ZKSCAN7: variants seen among roughly 807,000 people sequenced by gnomAD.
ZKSCAN7 encodes zinc finger protein with KRAB and SCAN domains 7.
ZKSCAN7 carries 38 observed loss-of-function variants against 65.3 expected under a neutral mutation model. That is an observed-to-expected ratio of 0.58 (90% CI 0.45 to 0.76). ZKSCAN7 has a LOEUF of 0.76. ZKSCAN7 is among the 30% of genes least tolerant of loss of function. The pLI, the probability that ZKSCAN7 is intolerant of heterozygous loss-of-function variation, is 0.00. For missense variants in ZKSCAN7, 815 were observed against 913.3 expected (o/e 0.89, Z 1.39); for synonymous variants, 321 against 321.0 (o/e 1.00, Z 0.00).
intron 5 of ZKSCAN7, chr3:44,580,849 C>CA: frequency 6.2e-7 from 1 of 1,613,612 alleles, no homozygotes; most frequent in Non-Finnish European, 8.5e-7. Flanking sequence ...ACTGAGTTGT[C>CA]AAAGTCGGTC....
chr3:44,570,145 T>C lies in ZKSCAN7; in HGVS notation c.1035T>C (p.Asp345=). 1.2e-6 allele frequency: 2 copies of C among 1,613,948 alleles called. No homozygotes were observed. The highest frequency in any genetic ancestry group is 1.7e-6 in the Non-Finnish European group (2 of 1,179,992). The change falls in exon 6 of 6, where the codon GAT becomes GAC. Residue 345 remains aspartate (D), a synonymous_variant. Transcript: ENST00000426540. The part of the protein sequence containing the change: ...ENDFLEITDE[D]KKKSTKDRYD... ...ATTTCTTGGAAATAACAGATGAAGA[T>C]AAGAAAAAATCCACAAAAGACAGAT...
chr3:44,556,571 A>C (rs1699299832), intron 1 of ZKSCAN7, among the ~76,000 whole-genome samples: 1 of 152,266 alleles, frequency 6.6e-6, no homozygotes, highest in African/African-American at 2.4e-5. Flanking sequence ...ATAGGAGTTA[A>C]ATAACTTAGT....
At chr3:44,580,178 C>CG in intron 5 of ZKSCAN7, 1 of 1,608,316 alleles carries the variant, frequency 6.2e-7, no homozygotes, top group Non-Finnish European at 8.5e-7. Flanking sequence ...GGGAGAGCGG[C>CG]GGGGGCAGCT....
At chr3:44,581,912 A>C (rs1401259308) in intron 5 of ZKSCAN7, among the ~76,000 whole-genome samples, 3 of 152,238 alleles carry the variant, frequency 2.0e-5, no homozygotes, top group Non-Finnish European at 4.4e-5. Flanking sequence ...CAGTTCTGTC[A>C]AGATGTTGAC....
intron 2 of ZKSCAN7, among the ~76,000 whole-genome samples, chr3:44,558,954 A>G (rs940148514): frequency 6.6e-6 from 1 of 150,884 alleles, no homozygotes; most frequent in Non-Finnish European, 1.5e-5. Flanking sequence ...AATTTTTTTT[A>G]TTGTAGACAT....
At chr3:44,562,354 A>G (rs1699500200) in intron 2 of ZKSCAN7, among the ~76,000 whole-genome samples, 1 of 152,154 alleles carries the variant, frequency 6.6e-6, no homozygotes, top group Non-Finnish European at 1.5e-5. Context: ...TAGCCCATGA[A>G]ACCATTGTTT....
chr3:44,573,978 A>G (rs1014033574), downstream of ZKSCAN7, among the ~76,000 whole-genome samples: 4 of 152,226 alleles, frequency 2.6e-5, no homozygotes, highest in Admixed American at 6.5e-5. Context: ...CTCAAATTCT[A>G]TTGGTTACTG....
chr3:44,580,123 C>T (rs1412054658), intron 5 of ZKSCAN7: 2 of 1,609,822 alleles, frequency 1.2e-6, no homozygotes, highest in Non-Finnish European at 1.7e-6. Context: ...TCAAACTTTT[C>T]AATCACCTGG....
chr3:44,558,623 C>G (rs1277795636), intron 2 of ZKSCAN7, among the ~76,000 whole-genome samples: 3 of 152,020 alleles, frequency 2.0e-5, no homozygotes, highest in Non-Finnish European at 4.4e-5. Flanking sequence ...ATAGGCAGGC[C>G]ATCGACAAGG....
In ZKSCAN7 at chr3:44,571,661, T is replaced by A. The variant is rs1049166234; in HGVS notation, c.*286T>A. On this transcript the variant is annotated 3_prime_UTR_variant, in exon 6 of 6. Coordinates refer to ENST00000426540, the MANE Select transcript of ZKSCAN7 (RefSeq NM_001288590.2). ...TTTCATTTCTTAGTTATGCATCTCA[T>A]AATCAGACTCCATGCTTTTTAAAGA... 8.0e-7 allele frequency: 1 copy of A among 1,250,046 alleles called. No homozygotes were observed. The highest frequency in any genetic ancestry group is 3.8e-5 in the East Asian group (1 of 26,444). 77.4% of individuals were successfully genotyped at this position (1,250,046 alleles called of 1,614,324 possible). A position where few individuals can be genotyped will look rare whatever the true frequency, so the allele number is the denominator to read the frequency against.
At chr3:44,567,566 A>G (rs1699673444) in intron 3 of ZKSCAN7, among the ~76,000 whole-genome samples, 1 of 152,158 alleles carries the variant, frequency 6.6e-6, no homozygotes, top group Non-Finnish European at 1.5e-5. Flanking sequence ...GTCCATAATG[A>G]GAGGGCAGGA....
intron 2 of ZKSCAN7, 166 bp downstream of exon 2, chr3:44,557,636 A>T (rs776275038): frequency 3.5e-6 from 3 of 861,600 alleles, no homozygotes; most frequent in Non-Finnish European, 5.2e-6. Context: ...AGCCATAAAC[A>T]CAAGTGCACA....
rs1476771997 is a variant in ZKSCAN7 at position 44,571,340 on chromosome 3, G to T, written c.2230G>T (p.Glu744Ter). 6.2e-7 allele frequency: 1 copy of T among 1,614,252 alleles called. No homozygotes were observed. Among genetic ancestry groups the T allele is most frequent in the Non-Finnish European group, 8.5e-7 (1 of 1,180,050 alleles). ...FNHHQRTHTG[E>*]KSSGLAWSVS ...TCACCACCAGCGAACTCACACTGGA[G>T]AGAAGTCCTCAGGTCTGGCTTGGTC... The change falls in exon 6 of 6, where the codon GAG (glutamate) becomes TAG (stop). Residue 744 changes from glutamate (E) to a stop codon, truncating the protein, a stop_gained. Coordinates refer to ENST00000426540, the MANE Select transcript of ZKSCAN7 (RefSeq NM_001288590.2). LOFTEE classifies it high-confidence loss of function.
chr3:44,557,722 T>C (rs762688094), intron 2 of ZKSCAN7: 4 of 545,962 alleles, frequency 7.3e-6, no homozygotes, highest in African/African-American at 1.9e-5. Flanking sequence ...ATTCGCATGG[T>C]ACTCCTGGCA....
chr3:44,555,269 G>A lies in ZKSCAN7; in HGVS notation c.-331G>A, dbSNP rs891366095. 1.0e-4 allele frequency: 16 copies of A among 152,392 alleles called. No individual in the cohort carries two copies. The highest frequency in any genetic ancestry group is 3.8e-4 in the African/African-American group (16 of 41,594). 9.4% of individuals were successfully genotyped at this position (152,392 alleles called of 1,614,324 possible). A position where few individuals can be genotyped will look rare whatever the true frequency, so the allele number is the denominator to read the frequency against. On this transcript the variant is annotated 5_prime_UTR_variant, in exon 1 of 6. Coordinates refer to ENST00000426540, the MANE Select transcript of ZKSCAN7 (RefSeq NM_001288590.2). ...TTCGGTGCCGAGTGCCACCGCGAGT[G>A]GGCCGAGACGCGGAGGGAGGCGCGG...
chr3:44,581,852 A>T (rs1321125312), intron 5 of ZKSCAN7, among the ~76,000 whole-genome samples: 1 of 152,218 alleles, frequency 6.6e-6, no homozygotes, highest in Non-Finnish European at 1.5e-5. Flanking sequence ...GGAAATGTCA[A>T]GAGATGGTGG....
intron 2 of ZKSCAN7, among the ~76,000 whole-genome samples, chr3:44,564,089 T>C (rs1010757937): frequency 4.6e-5 from 7 of 152,248 alleles, no homozygotes; most frequent in African/African-American, 1.7e-4. Context: ...CTGTGCTATG[T>C]ACATACCAGA....
At chr3:44,579,058 G>A (rs1699993435) in intron 5 of ZKSCAN7, among the ~76,000 whole-genome samples, 1 of 152,216 alleles carries the variant, frequency 6.6e-6, no homozygotes, top group African/African-American at 2.4e-5. Flanking sequence ...AAGACAGGTG[G>A]ACGGGGACGA....
At chr3:44,580,286 C>G (rs1006587109) in intron 5 of ZKSCAN7, 2 of 1,613,890 alleles carry the variant, frequency 1.2e-6, no homozygotes, top group African/African-American at 1.3e-5. Context: ...GGTCGCTACT[C>G]ATGGCGCTCT....
Sources: gnomAD v4.1 joint callset for allele counts (sites outside exome capture counted in the v4.1 genomes callset) on GRCh38, gnomAD v4.1.1 for gene constraint, MANE v1.5 for transcripts, NCBI Gene and HGNC (gene_info 2026-07-23, HGNC 2026-07-21) for gene names.